LRCH3: variants seen among roughly 807,000 people sequenced by gnomAD.
LRCH3 encodes leucine rich repeats and calponin homology domain containing 3.
A neutral mutation model predicts 104.5 loss-of-function variants in LRCH3; 68 were observed. The ratio of observed to expected loss-of-function variants is 0.65; its 90% confidence interval spans 0.54 to 0.80. The LOEUF is 0.80. Among genes scored for constraint, LRCH3 ranks in the 30% least tolerant of loss-of-function variants. The pLI, the probability that LRCH3 is intolerant of heterozygous loss-of-function variation, is 0.00. For synonymous variants in LRCH3, 344 were observed against 361.3 expected (o/e 0.95, Z 0.54); for missense variants, 951 against 953.9 (o/e 1.00, Z 0.04).
In LRCH3 at chr3:197,847,975, TAAG is replaced by T; in HGVS notation, c.1485_1487del (p.Ile495_Arg496delinsMet). 1.2e-6 allele frequency: 2 copies of T among 1,614,012 alleles called. No individual in the cohort carries two copies. The highest frequency in any genetic ancestry group is 1.7e-6 in the Non-Finnish European group (2 of 1,179,988). ...GCCCTGCAGTATGAGGAGGAGAAAA[TAAG>T]GACCAAGCAGATCCAGAGAGATGCT... On this transcript the variant is annotated inframe_deletion, in exon 12 of 21. Transcript: ENST00000425562.
rs945195980 is a variant in LRCH3, at chr3:197,856,960, T to G, written c.1645-1874T>G. ...TTTAAAGACCTTGAAACTTACGATT[T>G]GAAATGAAGATTTATAACAGCTAAT... On this transcript the variant is annotated intron_variant, in intron 14 of 20. Transcript: ENST00000425562. This position sits in a 1 kb window ranked among gnomAD's most constrained non-coding sequence, Gnocchi z 4.2. 7.9e-5 allele frequency among the ~76,000 whole-genome samples: 12 copies of G among 152,256 alleles called. No individual in the cohort carries two copies. Among genetic ancestry groups the G allele is most frequent in the African/African-American group, 2.9e-4 (12 of 41,456 alleles).
chr3:197,844,118 T>C (rs2109360672), intron 10 of LRCH3, among the ~76,000 whole-genome samples: 1 of 152,340 alleles, frequency 6.6e-6, no homozygotes, highest in East Asian at 1.9e-4. Context: ...GTAGAGGTTC[T>C]GAGGTAGGAA....
At chr3:197,882,665 A>T in intron 20 of LRCH3, 3 of 980,380 alleles carry the variant, frequency 3.1e-6, no homozygotes, top group Non-Finnish European at 3.6e-6. Flanking sequence ...ACAGAAAGCT[A>T]GTGATAAATG....
At chr3:197,821,088 T>C (rs1734440960) in intron 4 of LRCH3, among the ~76,000 whole-genome samples, 1 of 152,180 alleles carries the variant, frequency 6.6e-6, no homozygotes, top group South Asian at 2.1e-4. Context: ...GGGGGAAATG[T>C]AACATGTTTG....
chr3:197,858,988 A>C (rs958954625), intron 15 of LRCH3, 83 bp downstream of exon 15: 7 of 947,568 alleles, frequency 7.4e-6, no homozygotes, highest in African/African-American at 1.6e-5. Context: ...AATTGATCTA[A>C]CAATCTGAAA....
Position 197,887,868 on chromosome 3 carries a change from A to AGAG in LRCH3, c.*4203_*4205dup, listed in dbSNP as rs2109603730. Reference sequence around the variant, plus strand: ...CCCCAGCAGAGCCCTTGCCACGTACAGAGATTTTCTGTCAGCAGTTTCCCA... The same window carrying AGAG: ...CCCCAGCAGAGCCCTTGCCACGTACAGAGGAGATTTTCTGTCAGCAGTTTCCCA... On this transcript the variant is annotated 3_prime_UTR_variant, in exon 21 of 21. Transcript: ENST00000425562. The AGAG allele has an allele frequency of 6.5e-6, 1 of 154,264 alleles. No individual in the cohort carries two copies. The highest frequency in any genetic ancestry group is 2.4e-5 in the African/African-American group (1 of 41,612). 9.6% of individuals were successfully genotyped at this position (154,264 alleles called of 1,614,324 possible). A position where few individuals can be genotyped will look rare whatever the true frequency, so the allele number is the denominator to read the frequency against.
rs1385131084 is a variant in LRCH3 at position 197,884,783 on chromosome 3, C to G, written c.*1117C>G. Reference sequence around the variant, plus strand: ...ATAGAAGGCCTAGGTTTTGCATAGTCTTCTTTTTTTTAAGAGTTGGGGTCT... The same window carrying G: ...ATAGAAGGCCTAGGTTTTGCATAGTGTTCTTTTTTTTAAGAGTTGGGGTCT... On this transcript the variant is annotated 3_prime_UTR_variant, in exon 21 of 21. Transcript: ENST00000425562. 1 of 151,190 alleles carries G rather than the reference C, an allele frequency of 6.6e-6. No homozygotes were observed. Among genetic ancestry groups the G allele is most frequent in the Non-Finnish European group, 1.5e-5 (1 of 68,014 alleles). 9.4% of individuals were successfully genotyped at this position (151,190 alleles called of 1,614,324 possible).
chr3:197,855,909 A>G (rs1295899390), intron 14 of LRCH3, among the ~76,000 whole-genome samples: 2 of 152,236 alleles, frequency 1.3e-5, no homozygotes, highest in African/African-American at 4.8e-5. Flanking sequence ...CGTATTTTAA[A>G]TAAAACCTCA....
chr3:197,813,052 A>G (rs1733371621), intron 1 of LRCH3, among the ~76,000 whole-genome samples: 1 of 152,124 alleles, frequency 6.6e-6, no homozygotes, highest in Non-Finnish European at 1.5e-5. Context: ...TTTTAATAAT[A>G]GTTATCTGAA....
intron 10 of LRCH3, among the ~76,000 whole-genome samples, chr3:197,844,081 T>G (rs1172155036): frequency 6.6e-6 from 1 of 152,208 alleles, no homozygotes; most frequent in Non-Finnish European, 1.5e-5. Context: ...GCAAACATTA[T>G]GGATGTCTAG....
At chr3:197,867,787 A>G (rs1046519350) in intron 17 of LRCH3, among the ~76,000 whole-genome samples, 4 of 152,030 alleles carry the variant, frequency 2.6e-5, no homozygotes, top group Non-Finnish European at 2.9e-5. Context: ...CCCGGGAGGC[A>G]GAGCTTGCAG....
At chr3:197,827,222 G>GTAGACCATGGTGGAAGCATCAGA (rs1257303431) in intron 5 of LRCH3, among the ~76,000 whole-genome samples, 2 of 145,544 alleles carry the variant, frequency 1.4e-5, no homozygotes, top group Admixed American at 1.4e-4. Context: ...GAAGCATCAG[G>GTAGACCATGGTGGAAGCATCAGA]TAAACCATGG....
At chr3:197,838,491 G>C (rs866206832) in intron 9 of LRCH3, among the ~76,000 whole-genome samples, 1 of 152,150 alleles carries the variant, frequency 6.6e-6, no homozygotes, top group South Asian at 2.1e-4. Flanking sequence ...TGTTTGATTT[G>C]TAGATATCCT....
intron 20 of LRCH3, among the ~76,000 whole-genome samples, chr3:197,880,035 T>C (rs896644545): frequency 2.5e-4 from 37 of 149,040 alleles, no homozygotes; most frequent in South Asian, 1.3e-3. Context: ...AAGCTCCGCC[T>C]CCCGGGTTCC....
chr3:197,810,345 G>A lies in LRCH3; in HGVS notation c.263-4563G>A, dbSNP rs1053177264. Among the ~76,000 whole-genome samples, 1 of 151,986 alleles carries A rather than the reference G, an allele frequency of 6.6e-6. No individual in the cohort carries two copies. The highest frequency in any genetic ancestry group is 1.5e-5 in the Non-Finnish European group (1 of 67,984). On this transcript the variant is annotated intron_variant, in intron 1 of 20. Transcript: ENST00000425562. The surrounding 1 kb of genome is among the most constrained non-coding windows in gnomAD (Gnocchi z 4.0). ...CTTATTTTTGTATTTTAGAAATGGG[G>A]TTTCACCATGTTGGCCAGGCTGGTC...
intron 12 of LRCH3, 97 bp from the exon 13 acceptor site, chr3:197,852,464 T>A: frequency 8.5e-7 from 1 of 1,178,474 alleles, no homozygotes; most frequent in Non-Finnish European, 1.2e-6. Context: ...GGTAAAAAAA[T>A]TAATTTGAGT....
intron 5 of LRCH3, among the ~76,000 whole-genome samples, chr3:197,828,432 G>A (rs1735488303): frequency 6.6e-6 from 1 of 151,744 alleles, no homozygotes; most frequent in African/African-American, 2.4e-5. Flanking sequence ...TGCAAGCTCC[G>A]CCTCCCGGGT....
chr3:197,854,476 A>G lies in LRCH3; in HGVS notation c.1644+31A>G. On this transcript the variant is annotated intron_variant, in intron 14 of 20. Transcript: ENST00000425562. This position sits in a 1 kb window ranked among gnomAD's most constrained non-coding sequence, Gnocchi z 4.5. ...AGTTTTGCACAAAACGGAGTTTCGC[A>G]TTTCTGTGTTTAGAGATTGTACTTT... 6.2e-7 allele frequency: 1 copy of G among 1,603,098 alleles called. No individual in the cohort carries two copies. The highest frequency in any genetic ancestry group is 8.5e-7 in the Non-Finnish European group (1 of 1,169,900).
intron 2 of LRCH3, 119 bp from the exon 3 acceptor site, chr3:197,817,057 C>A: frequency 1.2e-6 from 1 of 849,352 alleles, no homozygotes; most frequent in Non-Finnish European, 1.7e-6. Flanking sequence ...ACTCCAGTAC[C>A]CTGTTTGTTT....
Sources: gnomAD v4.1 joint callset for allele counts (sites outside exome capture counted in the v4.1 genomes callset) on GRCh38, gnomAD v4.1.1 for gene constraint, Gnocchi (gnomAD v3.1) non-coding constraint, MANE v1.5 for transcripts, NCBI Gene and HGNC (gene_info 2026-07-23, HGNC 2026-07-21) for gene names.